DNAJC11: variants seen among roughly 807,000 people sequenced by gnomAD.
The protein encoded by DNAJC11 is dnaJ homolog subfamily C member 11.
Under a neutral mutation model 78.6 loss-of-function variants are expected in DNAJC11, and 15 were observed. The ratio of observed to expected loss-of-function variants is 0.19; its 90% CI spans 0.13 to 0.29. The LOEUF is 0.29. Among genes scored for constraint, DNAJC11 ranks in the 10% least tolerant of loss-of-function variants. The pLI is 1.00. For synonymous variants in DNAJC11, 292 were observed against 272.1 expected, an observed-to-expected ratio of 1.07 and a Z score of -0.72; for missense variants, 547 against 709.6, an observed-to-expected ratio of 0.77 and a Z score of 2.60.
At chr1:6,646,514 A>G (rs1403718354) in intron 7 of DNAJC11, among the ~76,000 whole-genome samples, 1 of 152,152 alleles carries the variant, frequency 6.6e-6, no homozygotes, top group Non-Finnish European at 1.5e-5. Context: ...AGGACACCCC[A>G]GACCTATGGA....
intron 1 of DNAJC11, among the ~76,000 whole-genome samples, chr1:6,682,076 T>C (rs1158202229): frequency 6.9e-6 from 1 of 145,158 alleles, no homozygotes; most frequent in Non-Finnish European, 1.5e-5. Flanking sequence ...ATGTGAGGAT[T>C]GACAGTCCTC....
intron 4 of DNAJC11, among the ~76,000 whole-genome samples, chr1:6,657,628 G>T (rs1237126569): frequency 6.6e-6 from 1 of 152,206 alleles, no homozygotes; most frequent in South Asian, 2.1e-4. Context: ...AAAGTCTGTA[G>T]ATACATGCCC....
chr1:6,644,163 C>T (rs990069809), intron 10 of DNAJC11, among the ~76,000 whole-genome samples: 2 of 152,002 alleles, frequency 1.3e-5, no homozygotes, highest in Admixed American at 1.3e-4. Context: ...CGGAGTCTCA[C>T]TGTCCTCCAG....
intron 3 of DNAJC11, among the ~76,000 whole-genome samples, chr1:6,669,573 AAGAAG>A (rs1229989018): frequency 1.2e-4 from 17 of 141,542 alleles, no homozygotes; most frequent in African/African-American, 4.5e-4. Context: ...AAGAAAAGAA[AAGAAG>A]GCATTTCAAT....
chr1:6,634,331 C>A lies in DNAJC11; in HGVS notation c.*1344G>T. The A allele has an allele frequency of 2.9e-6, 3 of 1,048,142 alleles. No individual in the cohort carries two copies. The highest frequency in any genetic ancestry group is 4.0e-6 in the Non-Finnish European group (3 of 755,036). The allele number at this position is 1,048,142 out of a possible 1,614,324, so 64.9% of individuals were successfully genotyped here. On this transcript the variant is annotated 3_prime_UTR_variant, in exon 16 of 16. Transcript: ENST00000377577. ...GCTCACCGCGGCTCGGGCCGTGGGG[C>A]CGTCAGAGAAACCTTTTTAAAAAAT...
intron 1 of DNAJC11, among the ~76,000 whole-genome samples, chr1:6,682,459 C>T (rs1417315205): frequency 6.6e-6 from 1 of 152,050 alleles, no homozygotes; most frequent in Non-Finnish European, 1.5e-5. Flanking sequence ...GGACATTGGC[C>T]CATCGGTCCC....
chr1:6,647,779 C>A (rs1284957969), intron 7 of DNAJC11, among the ~76,000 whole-genome samples: 1 of 152,104 alleles, frequency 6.6e-6, no homozygotes, highest in African/African-American at 2.4e-5. Flanking sequence ...TGCGCCACTG[C>A]ACTCCAGCCT....
chr1:6,670,049 G>A (rs1184929662), intron 3 of DNAJC11, among the ~76,000 whole-genome samples: 3 of 151,814 alleles, frequency 2.0e-5, no homozygotes, highest in Non-Finnish European at 4.4e-5. Flanking sequence ...CGCCTCCCTG[G>A]TTCACACCAT....
intron 3 of DNAJC11, among the ~76,000 whole-genome samples, chr1:6,673,060 G>A (rs1642405365): frequency 6.6e-6 from 1 of 151,972 alleles, no homozygotes; most frequent in East Asian, 1.9e-4. Flanking sequence ...GCTGGGCATG[G>A]TGGCGGGCGC....
intron 1 of DNAJC11, among the ~76,000 whole-genome samples, chr1:6,682,900 G>T (rs932534018): frequency 5.3e-5 from 8 of 152,150 alleles, no homozygotes; most frequent in African/African-American, 1.7e-4. Context: ...ACTCCAGCCT[G>T]GGTGACAGAG....
At chr1:6,681,709 G>T (rs543213517) in intron 1 of DNAJC11, among the ~76,000 whole-genome samples, 94 of 152,302 alleles carry the variant, frequency 6.2e-4, no homozygotes, top group African/African-American at 2.2e-3. Flanking sequence ...CCACAGTGGG[G>T]GGGGCGGGTG....
chr1:6,652,754 T>G (rs1570277038), intron 6 of DNAJC11, 75 bp downstream of exon 6: 213 of 1,584,922 alleles, frequency 1.3e-4, no homozygotes, highest in Non-Finnish European at 1.6e-4. Flanking sequence ...AGTTTGAGGG[T>G]GAGCTTTGAG....
intron 7 of DNAJC11, among the ~76,000 whole-genome samples, chr1:6,647,546 G>A (rs867873947): frequency 3.3e-5 from 5 of 152,084 alleles, no homozygotes; most frequent in East Asian, 3.9e-4. Flanking sequence ...TAGGCCGGGC[G>A]CGGTGGCTCA....
intron 10 of DNAJC11, among the ~76,000 whole-genome samples, chr1:6,640,508 A>G (rs931610216): frequency 3.3e-5 from 5 of 152,194 alleles, no homozygotes; most frequent in South Asian, 4.1e-4. Context: ...AGTAGCTCCT[A>G]TTGGACCAAT....
At chr1:6,690,729 C>T (rs1642731907) in intron 1 of DNAJC11, among the ~76,000 whole-genome samples, 1 of 151,942 alleles carries the variant, frequency 6.6e-6, no homozygotes, top group African/African-American at 2.4e-5. Flanking sequence ...TCGAGACCAT[C>T]CTGGCTAACA....
rs999766150 is a variant in DNAJC11 at position 6,645,866 on chromosome 1, G to A, written c.817C>T (p.Arg273Ter). 3 of 1,614,042 alleles carry A rather than the reference G, an allele frequency of 1.9e-6. No individual in the cohort carries two copies. The highest frequency in any genetic ancestry group is 1.3e-5 in the African/African-American group (1 of 74,928). Residue 273 changes from arginine to a stop codon, truncating the protein, a stop_gained, in exon 8 of 16, where the codon CGA becomes TGA. Transcript: ENST00000377577. LOFTEE classifies it high-confidence loss of function. The surrounding 1 kb of genome is among the most constrained non-coding windows in gnomAD (Gnocchi z 4.1). Reference sequence around the variant, plus strand: ...TTCATGGCTGACTGGATACCCCATCGCCACTGCAGGTAGCCCACGGTGTTC... The same window carrying A: ...TTCATGGCTGACTGGATACCCCATCACCACTGCAGGTAGCCCACGGTGTTC... ...DKNTVGYLQW[R>*]WGIQSAMNTS...
At position 6,645,883 on chromosome 1, in the gene DNAJC11, A is replaced by G. The variant is rs1641957009; in HGVS notation, c.800T>C (p.Val267Ala). ...VLARNLDKNT[V>A]GYLQWRWGIQ... ...ACCCCATCGCCACTGCAGGTAGCCC[A>G]CGGTGTTCTTGTCTAGGTTCCGAGC... The change falls in exon 8 of 16, where the codon GTG becomes GCG. Residue 267 changes from valine to alanine, a missense_variant. Physicochemically the swap from Val to Ala is moderately conservative, Grantham distance 64. Coordinates refer to ENST00000377577, the MANE Select transcript of DNAJC11 (RefSeq NM_018198.4). This position sits in a 1 kb window ranked among gnomAD's most constrained non-coding sequence, Gnocchi z 4.1. The G allele has an allele frequency of 1.2e-6, 2 of 1,614,056 alleles. No homozygotes were observed. The highest frequency in any genetic ancestry group is 8.5e-7 in the Non-Finnish European group (1 of 1,180,022).
rs1243863248 is a variant in DNAJC11 at position 6,664,955 on chromosome 1, C to A, written c.378+2754G>T. Among the ~76,000 whole-genome samples, 4 of 152,306 alleles carry A rather than the reference C, an allele frequency of 2.6e-5. No homozygotes were observed. In the East Asian group the frequency reaches 7.7e-4, roughly 29 times the overall value. On this transcript the variant is annotated intron_variant, in intron 4 of 15. Transcript: ENST00000377577. ...ATTGACGAAAACAGAGAGAAATATG[C>A]ACCCGCGTTTCAGGCGGCAATATCA...
intron 1 of DNAJC11, among the ~76,000 whole-genome samples, chr1:6,688,423 C>T (rs1164054914): frequency 6.6e-6 from 1 of 152,092 alleles, no homozygotes; most frequent in Non-Finnish European, 1.5e-5. Flanking sequence ...AATACTTATC[C>T]CTTCAATCAG....
Sources: gnomAD v4.1 joint callset for allele counts (sites outside exome capture counted in the v4.1 genomes callset) on GRCh38, gnomAD v4.1.1 for gene constraint, Gnocchi (gnomAD v3.1) non-coding constraint, MANE v1.5 for transcripts, NCBI Gene and HGNC (gene_info 2026-07-23, HGNC 2026-07-21) for gene names.